TNFRSF19: variants seen among roughly 807,000 people sequenced by gnomAD.
TNFRSF19 encodes TNF receptor superfamily member 19, also known as tumor necrosis factor receptor superfamily member 19.
TNFRSF19 carries 27 observed loss-of-function variants against 46.4 expected under a neutral mutation model. The ratio of observed to expected loss-of-function variants is 0.58; its 90% CI spans 0.43 to 0.80. TNFRSF19 has a LOEUF of 0.80. Among genes scored for constraint, TNFRSF19 ranks in the 30% least tolerant of loss-of-function variants. The pLI is 0.00. For missense variants in TNFRSF19, 511 were observed against 530.8 expected, an observed-to-expected ratio of 0.96 and a Z score of 0.37; for synonymous variants, 204 against 205.0, an observed-to-expected ratio of 1.00 and a Z score of 0.04.
At chr13:23,637,467 A>C (rs1429982667) in intron 5 of TNFRSF19, among the ~76,000 whole-genome samples, 1 of 152,238 alleles carries the variant, frequency 6.6e-6, no homozygotes, top group Non-Finnish European at 1.5e-5. Context: ...AAGTCTCAAG[A>C]AAAACATTCT....
intron 7 of TNFRSF19, among the ~76,000 whole-genome samples, chr13:23,666,232 A>T (rs1229673242): frequency 6.6e-6 from 1 of 152,210 alleles, no homozygotes; most frequent in Non-Finnish European, 1.5e-5. Flanking sequence ...TATAGGGGAT[A>T]CTTGGAGGCT....
At chr13:23,623,273 A>G (rs1415981038) in intron 4 of TNFRSF19, among the ~76,000 whole-genome samples, 2 of 152,214 alleles carry the variant, frequency 1.3e-5, no homozygotes, top group Admixed American at 6.5e-5. Context: ...ATGTTGTAGC[A>G]TGTGACAGGA....
At chr13:23,577,905 G>A (rs1212673233) in intron 1 of TNFRSF19, among the ~76,000 whole-genome samples, 12 of 152,136 alleles carry the variant, frequency 7.9e-5, no homozygotes, top group African/African-American at 2.4e-4. Context: ...GGCGGGAAGC[G>A]GGGTTGATGA....
intron 5 of TNFRSF19, among the ~76,000 whole-genome samples, chr13:23,628,531 T>G (rs893040055): frequency 6.6e-6 from 1 of 152,264 alleles, no homozygotes; most frequent in South Asian, 2.1e-4. Context: ...ATTACCACTT[T>G]AGAGTCAGAA....
At chr13:23,577,816 A>C (rs1166985504) in intron 1 of TNFRSF19, among the ~76,000 whole-genome samples, 3 of 152,120 alleles carry the variant, frequency 2.0e-5, no homozygotes, top group African/African-American at 7.2e-5. Context: ...TCGGAATGCT[A>C]ATCTAAGGAG....
At chr13:23,588,617 T>G (rs1455676944) in intron 1 of TNFRSF19, among the ~76,000 whole-genome samples, 2 of 152,204 alleles carry the variant, frequency 1.3e-5, no homozygotes, top group African/African-American at 2.4e-5. Flanking sequence ...ATTACACATT[T>G]TTTGCTTTTA....
chr13:23,638,100 T>G (rs1882801714), intron 5 of TNFRSF19, among the ~76,000 whole-genome samples: 1 of 108,842 alleles, frequency 9.2e-6, no homozygotes, highest in Admixed American at 9.6e-5. Flanking sequence ...GTGTCTTTTC[T>G]GTTTCTCGGT....
intron 5 of TNFRSF19, among the ~76,000 whole-genome samples, chr13:23,645,757 G>T (rs939725867): frequency 4.6e-5 from 7 of 152,024 alleles, no homozygotes; most frequent in Non-Finnish European, 1.0e-4. Flanking sequence ...GATGCTTTTT[G>T]AATTTATATC....
intron 3 of TNFRSF19, among the ~76,000 whole-genome samples, chr13:23,612,141 T>A (rs1202149134): frequency 6.6e-6 from 1 of 152,158 alleles, no homozygotes; most frequent in African/African-American, 2.4e-5. Flanking sequence ...AAAGAAATGA[T>A]CTCGGCCAGG....
chr13:23,573,409 C>T (rs1877752991), intron 1 of TNFRSF19, among the ~76,000 whole-genome samples: 6 of 152,072 alleles, frequency 3.9e-5, no homozygotes, highest in Admixed American at 3.9e-4. Flanking sequence ...CATAATTTAA[C>T]ACGTAAAATA....
At chr13:23,614,322 C>T (rs895171687) in intron 3 of TNFRSF19, among the ~76,000 whole-genome samples, 10 of 152,146 alleles carry the variant, frequency 6.6e-5, no homozygotes, top group African/African-American at 2.2e-4. Flanking sequence ...GTGATTCCTC[C>T]GAATCCTTTG....
intron 3 of TNFRSF19, among the ~76,000 whole-genome samples, chr13:23,599,902 C>G (rs1880013125): frequency 6.7e-6 from 1 of 149,536 alleles, no homozygotes; most frequent in Admixed American, 6.7e-5. Flanking sequence ...GAGGGGGGGT[C>G]CATTCAGATG....
chr13:23,570,917 A>AT (rs1317638510), intron 1 of TNFRSF19, 69 bp downstream of exon 1: 1 of 152,144 alleles, frequency 6.6e-6, no homozygotes, highest in Non-Finnish European at 1.5e-5. Context: ...CTTTCACTGC[A>AT]TTTTTCGCAT....
intron 1 of TNFRSF19, among the ~76,000 whole-genome samples, chr13:23,582,918 C>T (rs7323396): frequency 6.6e-6 from 1 of 152,020 alleles, no homozygotes; most frequent in African/African-American, 2.4e-5. Context: ...TTTTATTGCT[C>T]ACTAGTATTC....
At chr13:23,595,459 G>T (rs894690707) in intron 3 of TNFRSF19, among the ~76,000 whole-genome samples, 1 of 152,118 alleles carries the variant, frequency 6.6e-6, no homozygotes, top group African/African-American at 2.4e-5. Flanking sequence ...ACTTCATGAA[G>T]CATACACAAG....
At chr13:23,604,005 A>G (rs529098010) in intron 3 of TNFRSF19, among the ~76,000 whole-genome samples, 1 of 152,104 alleles carries the variant, frequency 6.6e-6, no homozygotes, top group African/African-American at 2.4e-5. Context: ...TCATGCACCA[A>G]GACAAAATAA....
At position 23,655,738 on chromosome 13, in the gene TNFRSF19, G is replaced by GCC. The variant is rs11335098; in HGVS notation, c.446-3303_446-3302dup. Among the ~76,000 whole-genome samples the GCC allele has an allele frequency of 1.9e-3, 289 of 149,992 alleles. 2 individuals carry two copies. The highest frequency in any genetic ancestry group is 6.6e-3 in the African/African-American group (265 of 40,362). On this transcript the variant is annotated intron_variant, in intron 5 of 9. Coordinates refer to ENST00000248484, the MANE Select transcript of TNFRSF19 (RefSeq NM_148957.4). ...CACTTTATATAGCTAGTATAAATCT[G>GCC]CCCCCCCCCCTTATTTTTGGTTTTG...
chr13:23,597,997 C>T (rs913269150), intron 3 of TNFRSF19, among the ~76,000 whole-genome samples: 5 of 152,084 alleles, frequency 3.3e-5, no homozygotes, highest in African/African-American at 4.8e-5. Context: ...TGACAAAAAC[C>T]ACATGATTAT....
chr13:23,616,479 G>A (rs1279305276), intron 4 of TNFRSF19, among the ~76,000 whole-genome samples: 1 of 152,200 alleles, frequency 6.6e-6, no homozygotes, highest in African/African-American at 2.4e-5. Flanking sequence ...AACCACCTTA[G>A]GCATTGCTTT....
Sources: gnomAD v4.1 joint callset for allele counts (sites outside exome capture counted in the v4.1 genomes callset) on GRCh38, gnomAD v4.1.1 for gene constraint, MANE v1.5 for transcripts, NCBI Gene and HGNC (gene_info 2026-07-23, HGNC 2026-07-21) for gene names.